Variants in SHISA6 observed in about 807,000 individuals in gnomAD.
SHISA6 encodes the protein shisa family member 6.
Under a neutral mutation model 47.9 loss-of-function variants are expected in SHISA6, and 22 were observed. The ratio of observed to expected loss-of-function variants is 0.46; its 90% CI spans 0.33 to 0.66. The LOEUF is 0.66. Among genes scored for constraint, SHISA6 ranks in the 30% least tolerant of loss-of-function variants. SHISA6 has a pLI of 0.02. For synonymous variants in SHISA6, 388 were observed against 337.8 expected (o/e 1.15, Z -1.63); for missense variants, 680 against 764.6 (o/e 0.89, Z 1.30).
chr17:11,263,603 A>G, intron 2 of SHISA6, 77 bp downstream of exon 2: 1 of 1,515,004 alleles, frequency 6.6e-7, no homozygotes, highest in Non-Finnish European at 8.9e-7. Context: ...CTGGTGGGGC[A>G]GGTTGTGGAC....
At chr17:11,339,973 G>C (rs72824652) in intron 2 of SHISA6, among the ~76,000 whole-genome samples, 2,909 of 152,298 alleles carry the variant, frequency 0.019, 63 homozygotes, top group East Asian at 0.063. Context: ...AGATGACCCA[G>C]CAGAGAAAGA....
rs1034016796 is a variant in SHISA6 at position 11,277,912 on chromosome 17, C to T, written c.799+14386C>T. Among the ~76,000 whole-genome samples the T allele has an allele frequency of 2.0e-5, 3 of 152,020 alleles. No homozygotes were observed. The South Asian group carries it at 6.2e-4, about 32-fold the overall frequency. On this transcript the variant is annotated intron_variant, in intron 2 of 5. Coordinates refer to ENST00000441885, the MANE Select transcript of SHISA6 (RefSeq NM_207386.4). ...CTTGTTTGAAGTTGTCATACCACTC[C>T]TACTTACATCACATTAACTAATGTG... is the stretch of plus-strand genomic sequence containing the variant.
intron 2 of SHISA6, among the ~76,000 whole-genome samples, chr17:11,303,692 C>T (rs1433541390): frequency 2.6e-5 from 4 of 152,182 alleles, no homozygotes; most frequent in Non-Finnish European, 2.9e-5. Context: ...GCCTGGTGCT[C>T]TCAAGCCCCC....
At chr17:11,285,321 A>G (rs1909257405) in intron 2 of SHISA6, among the ~76,000 whole-genome samples, 1 of 152,092 alleles carries the variant, frequency 6.6e-6, no homozygotes, top group South Asian at 2.1e-4. Context: ...GTGTTGCATG[A>G]TTTTTGCAGG....
At chr17:11,256,930 C>T (rs1908032633) in intron 1 of SHISA6, among the ~76,000 whole-genome samples, 1 of 152,222 alleles carries the variant, frequency 6.6e-6, no homozygotes. Context: ...GATGGAGAAA[C>T]TCGCTCGGCT....
At chr17:11,491,088 G>T (rs768544573) in intron 3 of SHISA6, among the ~76,000 whole-genome samples, 3 of 152,174 alleles carry the variant, frequency 2.0e-5, no homozygotes, top group Non-Finnish European at 2.9e-5. Context: ...CGGGTTAGGG[G>T]CATCTCCAAC....
chr17:11,480,577 A>G (rs1316359819), intron 3 of SHISA6, among the ~76,000 whole-genome samples: 1 of 152,052 alleles, frequency 6.6e-6, no homozygotes, highest in Non-Finnish European at 1.5e-5. Context: ...GTTTTCAGTG[A>G]TGGGGTTTTC....
At chr17:11,259,779 G>A (rs1567552808) in intron 1 of SHISA6, among the ~76,000 whole-genome samples, 2 of 152,198 alleles carry the variant, frequency 1.3e-5, no homozygotes, top group African/African-American at 4.8e-5. Flanking sequence ...TAAATTAGCT[G>A]ACCCAGCTGG....
intron 3 of SHISA6, among the ~76,000 whole-genome samples, chr17:11,484,131 A>G (rs1032261304): frequency 2.0e-5 from 3 of 152,372 alleles, no homozygotes; most frequent in Admixed American, 6.5e-5. Context: ...ATGAAATCCA[A>G]TGAATTATCC....
Position 11,396,745 on chromosome 17 carries a change from G to T in SHISA6, c.895+17236G>T, listed in dbSNP as rs190840880. The stretch of plus-strand genomic sequence containing the variant: ...CATCACACACCAGGGCCTGTTGGGG[G>T]TTGGGGGGCAAGGGAAGGGAGAGCA... On this transcript the variant is annotated intron_variant, in intron 3 of 5. Coordinates refer to ENST00000441885, the MANE Select transcript of SHISA6 (RefSeq NM_207386.4). Among the ~76,000 whole-genome samples, 4 of 152,284 alleles carry T rather than the reference G, an allele frequency of 2.6e-5. No homozygotes were observed. In the East Asian group the frequency reaches 7.7e-4, roughly 29 times the overall value.
intron 3 of SHISA6, among the ~76,000 whole-genome samples, chr17:11,440,795 A>G (rs1915074529): frequency 6.6e-6 from 1 of 151,854 alleles, no homozygotes; most frequent in Admixed American, 6.6e-5. Context: ...CCAACATTCA[A>G]ATGGAGTTAA....
intron 2 of SHISA6, among the ~76,000 whole-genome samples, chr17:11,375,262 G>T (rs1006201324): frequency 2.6e-5 from 4 of 152,092 alleles, no homozygotes; most frequent in African/African-American, 7.2e-5. Flanking sequence ...TCTCTCCTCT[G>T]GGAGTCTTAT....
At chr17:11,321,143 T>C (rs1424875154) in intron 2 of SHISA6, among the ~76,000 whole-genome samples, 27 of 152,236 alleles carry the variant, frequency 1.8e-4, no homozygotes, top group Admixed American at 1.8e-3. Context: ...TTGGCCTTGA[T>C]CCTCAAGTCA....
intron 3 of SHISA6, among the ~76,000 whole-genome samples, chr17:11,459,883 A>T (rs1191103934): frequency 6.6e-6 from 1 of 152,178 alleles, no homozygotes; most frequent in African/African-American, 2.4e-5. Flanking sequence ...GGTTGCAGAG[A>T]GCCCCAGCTG....
intron 2 of SHISA6, among the ~76,000 whole-genome samples, chr17:11,292,818 A>G (rs1000956038): frequency 3.4e-5 from 5 of 147,638 alleles, no homozygotes; most frequent in Non-Finnish European, 7.5e-5. Flanking sequence ...AGCCACAATC[A>G]GATTGATTTT....
rs1469034924 is a variant in SHISA6 at position 11,526,931 on chromosome 17, ATATATT to A, written c.896-24964_896-24959del. On this transcript the variant is annotated intron_variant, in intron 3 of 5. Coordinates refer to ENST00000441885, the MANE Select transcript of SHISA6 (RefSeq NM_207386.4). ...TATATATATATATATATATATATAT[ATATATT>A]ATAATGATCAAATCAGGGTATTTAG... is the stretch of plus-strand genomic sequence containing the variant. Among the ~76,000 whole-genome samples, 50 of 27,148 alleles carry A rather than the reference ATATATT, an allele frequency of 1.8e-3. 1 individual carries two copies. The highest frequency in any genetic ancestry group is 7.5e-3 in the African/African-American group (45 of 6,026). The allele number at this position is 27,148 out of a possible 152,430, so 17.8% of individuals were successfully genotyped here.
rs549818597 is a variant in SHISA6 at position 11,504,791 on chromosome 17, G to A, written c.896-47105G>A. The stretch of plus-strand genomic sequence containing the variant: ...ATGGGAAGGGGACTTATTCTAAGGA[G>A]CTGGAGATGTTAGGACTGAAAAGGA... On this transcript the variant is annotated intron_variant, in intron 3 of 5. Coordinates refer to ENST00000441885, the MANE Select transcript of SHISA6 (RefSeq NM_207386.4). Among the ~76,000 whole-genome samples the A allele has an allele frequency of 9.8e-5, 15 of 152,286 alleles. No individual in the cohort carries two copies. In the South Asian group the frequency reaches 1.2e-3, roughly 13 times the overall value.
intron 3 of SHISA6, among the ~76,000 whole-genome samples, chr17:11,437,559 T>C (rs1370591610): frequency 6.6e-6 from 1 of 152,218 alleles, no homozygotes; most frequent in Non-Finnish European, 1.5e-5. Context: ...ACTTGTTCTC[T>C]GTTCCATGAG....
intron 1 of SHISA6, among the ~76,000 whole-genome samples, chr17:11,256,078 G>A (rs903916414): frequency 3.3e-5 from 5 of 152,206 alleles, no homozygotes; most frequent in Non-Finnish European, 5.9e-5. Flanking sequence ...GCTAACAACC[G>A]CCAAGTGGCC....
Sources: gnomAD v4.1 joint callset for allele counts (sites outside exome capture counted in the v4.1 genomes callset) on GRCh38, gnomAD v4.1.1 for gene constraint, MANE v1.5 for transcripts, NCBI Gene and HGNC (gene_info 2026-07-23, HGNC 2026-07-21) for gene names.